The following DLG2 variants were observed in gnomAD, a reference collection of about 807,000 sequenced individuals.
DLG2 encodes disks large homolog 2.
A neutral mutation model predicts 132.5 loss-of-function variants in DLG2; 45 were observed. That is an observed-to-expected ratio of 0.34 (90% CI 0.27 to 0.44). The LOEUF is 0.44. Ranked by LOEUF, DLG2 falls within the 20% of genes least tolerant of loss-of-function variation. The pLI is 1.00. For synonymous variants in DLG2, 424 were observed against 419.6 expected (o/e 1.01, Z -0.13); for missense variants, 1,045 against 1,196.9 (o/e 0.87, Z 1.87).
chr11:83,692,379 T>C (rs563578766), intron 18 of DLG2, among the ~76,000 whole-genome samples: 61 of 152,280 alleles, frequency 4.0e-4, no homozygotes, highest in Non-Finnish European at 7.5e-4. Flanking sequence ...AGGATCATGG[T>C]GAGGGTTATA....
At chr11:84,918,570 G>A (rs2092605648) in intron 6 of DLG2, among the ~76,000 whole-genome samples, 1 of 152,062 alleles carries the variant, frequency 6.6e-6, no homozygotes, top group African/African-American at 2.4e-5. Flanking sequence ...GAATAAACCT[G>A]GTGAAAATTA....
Position 84,421,875 on chromosome 11 carries a change from T to C in DLG2, c.519+112695A>G, listed in dbSNP as rs1220328971. On this transcript the variant is annotated intron_variant, in intron 7 of 27. Transcript: ENST00000376104. ...CTCGGAATGAATCCCTCACCGCTTCTGCCTGTCAAACTTCTTATGTTAAGT... is the reference window on the plus strand; with the variant it reads ...CTCGGAATGAATCCCTCACCGCTTCCGCCTGTCAAACTTCTTATGTTAAGT... Among the ~76,000 whole-genome samples, 4 of 152,214 alleles carry C rather than the reference T, an allele frequency of 2.6e-5. No homozygotes were observed. The East Asian group carries it at 7.7e-4, about 29-fold the overall frequency.
chr11:83,837,723 CAAAAAAAAAAAA>C (rs386374350), intron 16 of DLG2, among the ~76,000 whole-genome samples: 1 of 45,948 alleles, frequency 2.2e-5, no homozygotes, highest in Non-Finnish European at 3.6e-5. Flanking sequence ...ACATAGCAAG[CAAAAAAAAAAAA>C]AAAAAAAAAA....
At chr11:84,273,177 G>T in intron 7 of DLG2, 1 of 1,563,144 alleles carries the variant, frequency 6.4e-7, no homozygotes, top group South Asian at 1.2e-5. Context: ...TGCATAGCTT[G>T]TTCACATTGT....
chr11:84,626,453 C>T (rs1350299400), intron 6 of DLG2, among the ~76,000 whole-genome samples: 2 of 152,128 alleles, frequency 1.3e-5, no homozygotes, highest in Non-Finnish European at 2.9e-5. Context: ...CAAATGTGCA[C>T]ATTGGGAAGC....
intron 8 of DLG2, 48 bp downstream of exon 8, chr11:84,251,190 A>G: frequency 3.3e-6 from 4 of 1,201,760 alleles, no homozygotes; most frequent in Middle Eastern, 2.3e-4. Flanking sequence ...CAGCCAATTA[A>G]GTTCTACCAC....
intron 21 of DLG2, among the ~76,000 whole-genome samples, chr11:83,523,503 G>A (rs2095534080): frequency 6.6e-6 from 1 of 152,062 alleles, no homozygotes; most frequent in African/African-American, 2.4e-5. Context: ...ATGTAATGCA[G>A]GGCCCAGCTC....
intron 6 of DLG2, among the ~76,000 whole-genome samples, chr11:84,803,715 T>C (rs2075685330): frequency 6.6e-6 from 1 of 152,234 alleles, no homozygotes; most frequent in Non-Finnish European, 1.5e-5. Context: ...CATTGATGTT[T>C]GACAAATGAC....
intron 8 of DLG2, among the ~76,000 whole-genome samples, chr11:84,187,372 GT>G (rs1224562536): frequency 6.6e-6 from 1 of 151,946 alleles, no homozygotes; most frequent in African/African-American, 2.4e-5. Flanking sequence ...CTTGAAGGTG[GT>G]TTGTCAATTT....
At chr11:83,835,135 T>A (rs112775204) in intron 16 of DLG2, among the ~76,000 whole-genome samples, 1 of 152,184 alleles carries the variant, frequency 6.6e-6, no homozygotes, top group East Asian at 1.9e-4. Flanking sequence ...AGAGGTAAAG[T>A]GACATAGAGT....
At chr11:84,237,627 A>T (rs2097174560) in intron 8 of DLG2, among the ~76,000 whole-genome samples, 1 of 152,212 alleles carries the variant, frequency 6.6e-6, no homozygotes, top group Non-Finnish European at 1.5e-5. Context: ...ATACTTTGTC[A>T]CCAAAAGTAA....
chr11:84,498,678 G>T (rs982218131), intron 7 of DLG2, among the ~76,000 whole-genome samples: 2 of 152,158 alleles, frequency 1.3e-5, no homozygotes, highest in Admixed American at 6.5e-5. Context: ...TCTATGAAGT[G>T]CTGAGGCAGC....
intron 10 of DLG2, among the ~76,000 whole-genome samples, chr11:84,093,302 C>T (rs2097123043): frequency 1.3e-5 from 2 of 152,272 alleles, no homozygotes; most frequent in East Asian, 3.9e-4. Context: ...ACTGAGGTCC[C>T]TGCTTCATTG....
At chr11:84,642,762 C>G (rs2099669309) in intron 6 of DLG2, among the ~76,000 whole-genome samples, 1 of 152,120 alleles carries the variant, frequency 6.6e-6, no homozygotes, top group African/African-American at 2.4e-5. Context: ...AAGTGCTTTC[C>G]TTTTTCAATA....
intron 7 of DLG2, among the ~76,000 whole-genome samples, chr11:84,503,838 C>G (rs888658413): frequency 3.3e-5 from 5 of 152,202 alleles, no homozygotes; most frequent in Non-Finnish European, 5.9e-5. Context: ...TTCTTAACTT[C>G]ATAACAGATT....
At chr11:84,621,035 G>C (rs1227983202) in intron 6 of DLG2, among the ~76,000 whole-genome samples, 2 of 152,028 alleles carry the variant, frequency 1.3e-5, no homozygotes, top group African/African-American at 4.8e-5. Flanking sequence ...TGCAACAATG[G>C]GGATGACTTT....
intron 19 of DLG2, among the ~76,000 whole-genome samples, chr11:83,573,276 G>A (rs897919435): frequency 2.0e-5 from 3 of 152,096 alleles, no homozygotes; most frequent in African/African-American, 4.8e-5. Flanking sequence ...TCCAACTGAA[G>A]TCAGATTTCG....
intron 3 of DLG2, among the ~76,000 whole-genome samples, chr11:85,576,112 C>G (rs2078141540): frequency 6.6e-6 from 1 of 152,070 alleles, no homozygotes; most frequent in African/African-American, 2.4e-5. Context: ...CAGAAGTCCT[C>G]TAGATTAAAC....
chr11:84,096,198 CTTA>C (rs1320769581), intron 10 of DLG2, among the ~76,000 whole-genome samples: 1 of 151,976 alleles, frequency 6.6e-6, no homozygotes, highest in African/African-American at 2.4e-5. Context: ...TTTCTGAATC[CTTA>C]TTATTATGGC....
Sources: allele counts gnomAD v4.1 joint callset (sites outside exome capture counted in the v4.1 genomes callset), GRCh38; gene constraint gnomAD v4.1.1; transcripts MANE v1.5; gene names NCBI Gene and HGNC (gene_info 2026-07-23, HGNC 2026-07-21).